CCDC13: variants seen among roughly 807,000 people sequenced by gnomAD.
CCDC13 encodes the protein coiled-coil domain containing 13.
CCDC13 carries 70 observed loss-of-function variants against 87.3 expected under a neutral mutation model. That is an observed-to-expected ratio of 0.80 (90% CI 0.66 to 0.98). The LOEUF (loss-of-function observed/expected upper bound fraction) is 0.98, where lower values mean the gene tolerates loss of function less well. CCDC13 is among the 50% of genes least tolerant of loss of function. CCDC13 has a pLI of 0.00. For synonymous variants in CCDC13, 317 were observed against 360.3 expected, an observed-to-expected ratio of 0.88 and a Z score of 1.36; for missense variants, 842 against 892.0, an observed-to-expected ratio of 0.94 and a Z score of 0.71.
chr3:42,707,491 A>G lies in CCDC13; in HGVS notation c.*1489T>C, dbSNP rs1387685256. 6.6e-6 allele frequency among the ~76,000 whole-genome samples: 1 copy of G among 152,140 alleles called. No individual in the cohort carries two copies. Among genetic ancestry groups the G allele is most frequent in the Non-Finnish European group, 1.5e-5 (1 of 68,002 alleles). On this transcript the variant is annotated 3_prime_UTR_variant, in exon 16 of 16. Coordinates refer to ENST00000310232, the MANE Select transcript of CCDC13 (RefSeq NM_144719.4). Reference sequence around the variant, plus strand: ...CCAGCTAGGGTCCCTCCATAGCCCCATCCCCAAGGAAGGGGCTGAGAAGAC... The same window carrying G: ...CCAGCTAGGGTCCCTCCATAGCCCCGTCCCCAAGGAAGGGGCTGAGAAGAC...
At chr3:42,754,208 T>C (rs1699654864) in intron 3 of CCDC13, among the ~76,000 whole-genome samples, 1 of 152,206 alleles carries the variant, frequency 6.6e-6, no homozygotes, top group Non-Finnish European at 1.5e-5. Context: ...AGGCACTTTA[T>C]GGCTTTCAAA....
intron 5 of CCDC13, among the ~76,000 whole-genome samples, chr3:42,747,742 C>T (rs1431954536): frequency 6.6e-6 from 1 of 152,240 alleles, no homozygotes; most frequent in Non-Finnish European, 1.5e-5. Context: ...TCCACGCCTC[C>T]CAGACACTTC....
chr3:42,729,805 T>G (rs1043499295), intron 13 of CCDC13, among the ~76,000 whole-genome samples: 36 of 152,364 alleles, frequency 2.4e-4, no homozygotes, highest in African/African-American at 8.4e-4. Flanking sequence ...CAAAGAGCCT[T>G]GACTGATACA....
At chr3:42,749,273 G>A (rs747009377) in intron 5 of CCDC13, among the ~76,000 whole-genome samples, 1 of 152,196 alleles carries the variant, frequency 6.6e-6, no homozygotes, top group Non-Finnish European at 1.5e-5. Flanking sequence ...CCCTGACAGT[G>A]GGGGTGCTGA....
rs900533959 is a variant in CCDC13, at chr3:42,745,995, G to A, written c.753C>T (p.Asn251=). 5.0e-6 allele frequency: 8 copies of A among 1,614,150 alleles called. No individual in the cohort carries two copies. The highest frequency in any genetic ancestry group is 1.7e-4 in the Middle Eastern group (1 of 6,058). ...VLAREVGEDI[N]VQQLLSSPGT... ...CTGGCGAAGATAGGAGCTGCTGAAC[G>A]TTGATGTCTTCCCCAACCTCTCTGG... is the stretch of plus-strand genomic sequence containing the variant. The change falls in exon 7 of 16, where the codon AAC becomes AAT. Residue 251 remains asparagine, a synonymous_variant. Coordinates refer to ENST00000310232, the MANE Select transcript of CCDC13 (RefSeq NM_144719.4).
rs1203991263 is a variant in CCDC13 at position 42,735,763 on chromosome 3, C to A, written c.1315G>T (p.Glu439Ter). Reference sequence around the variant, plus strand: ...AGCTGTCGCACTTTGGCCTCCCGCTCAGCTACCATGGCCTGCAGCTGGGCG... The same window carrying A: ...AGCTGTCGCACTTTGGCCTCCCGCTAAGCTACCATGGCCTGCAGCTGGGCG... ...LVAQLQAMVAEREAKVRQLEM... is the reference protein window; with the variant it reads ...LVAQLQAMVA The change falls in exon 10 of 16, where the codon GAG becomes TAG. Residue 439 changes from glutamate to a stop codon, truncating the protein, a stop_gained. Transcript: ENST00000310232. LOFTEE classifies it high-confidence loss of function. 1.2e-6 allele frequency: 2 copies of A among 1,614,260 alleles called. No individual in the cohort carries two copies. The highest frequency in any genetic ancestry group is 1.7e-5 in the Admixed American group (1 of 60,034).
rs943810563 is a variant in CCDC13 at position 42,747,372 on chromosome 3, A to C, written c.605T>G (p.Leu202Arg). The C allele has an allele frequency of 6.2e-7, 1 of 1,610,870 alleles. No individual in the cohort carries two copies. The highest frequency in any genetic ancestry group is 8.5e-7 in the Non-Finnish European group (1 of 1,177,302). ...CAGGGCCTTCACCTCTGGGGTCTCC[A>C]GCTGGTTGGGAAGGACAGGAGAGAA... ...PRAQMGDRAL[L>R]ETPEVKALQD... Residue 202 changes from leucine to arginine, a missense_variant and splice_region_variant, in exon 6 of 16, where the codon CTG becomes CGG. Transcript: ENST00000310232.
chr3:42,738,952 T>C (rs1327484629), intron 9 of CCDC13, among the ~76,000 whole-genome samples: 2 of 152,340 alleles, frequency 1.3e-5, no homozygotes, highest in East Asian at 3.9e-4. Flanking sequence ...CTATGTTGAA[T>C]AGGAGTGGTG....
chr3:42,709,722 A>C lies in CCDC13; in HGVS notation c.1950T>G (p.Asp650Glu). ...KKDPSFAQLSDVPVESQMEEL... is the reference protein window; with the variant it reads ...KKDPSFAQLSEVPVESQMEEL... ...CTTCCATTTGGGATTCCACGGGCACATCGGAGAGCTGGGCAAAGGATGGGT... is the reference window on the plus strand; with the variant it reads ...CTTCCATTTGGGATTCCACGGGCACCTCGGAGAGCTGGGCAAAGGATGGGT... The change falls in exon 15 of 16, where the codon GAT becomes GAG. Residue 650 changes from aspartate (D) to glutamate (E), a missense_variant. By Grantham distance (45) the Asp-to-Glu change is conservative. Coordinates refer to ENST00000310232, the MANE Select transcript of CCDC13 (RefSeq NM_144719.4). 1 of 1,614,152 alleles carries C rather than the reference A, an allele frequency of 6.2e-7. No individual in the cohort carries two copies. The highest frequency in any genetic ancestry group is 8.5e-7 in the Non-Finnish European group (1 of 1,180,010).
intron 12 of CCDC13, chr3:42,732,643 A>G: frequency 3.8e-6 from 2 of 527,212 alleles, no homozygotes. Flanking sequence ...TCCTCAGGTT[A>G]ATTCTCACGT....
chr3:42,742,616 T>C (rs959966242), intron 8 of CCDC13, among the ~76,000 whole-genome samples: 1 of 151,936 alleles, frequency 6.6e-6, no homozygotes, highest in Non-Finnish European at 1.5e-5. Flanking sequence ...CCTCCCCCTC[T>C]CCCTTTTACA....
At chr3:42,730,087 G>C (rs1171695941) in intron 13 of CCDC13, among the ~76,000 whole-genome samples, 1 of 152,108 alleles carries the variant, frequency 6.6e-6, no homozygotes, top group Non-Finnish European at 1.5e-5. Context: ...CCAGATGTCA[G>C]TCTAGCTTGT....
At chr3:42,770,300 G>T (rs1700039446) in intron 1 of CCDC13, among the ~76,000 whole-genome samples, 1 of 152,100 alleles carries the variant, frequency 6.6e-6, no homozygotes, top group African/African-American at 2.4e-5. Flanking sequence ...AATCTGGTGG[G>T]GACTTTGAGA....
At chr3:42,714,905 C>T (rs1468312499) in intron 13 of CCDC13, among the ~76,000 whole-genome samples, 3 of 152,182 alleles carry the variant, frequency 2.0e-5, no homozygotes, top group Non-Finnish European at 2.9e-5. Flanking sequence ...TAAGTGGTAA[C>T]ATATTCATAC....
At chr3:42,732,688 C>T in intron 12 of CCDC13, 199 bp downstream of exon 12, 3 of 571,534 alleles carry the variant, frequency 5.2e-6, no homozygotes, top group Non-Finnish European at 6.2e-6. Context: ...AGTCAGAGGC[C>T]AAGATTCTAG....
At chr3:42,715,897 C>A (rs904897321) in intron 13 of CCDC13, among the ~76,000 whole-genome samples, 14 of 152,170 alleles carry the variant, frequency 9.2e-5, no homozygotes, top group African/African-American at 3.4e-4. Context: ...GACGCTGGCA[C>A]CTTGATATTG....
intron 13 of CCDC13, among the ~76,000 whole-genome samples, chr3:42,714,371 ATTAG>A (rs1293002328): frequency 2.6e-5 from 4 of 152,240 alleles, no homozygotes; most frequent in Non-Finnish European, 4.4e-5. Flanking sequence ...CGTTAGGACA[ATTAG>A]TTAGAGCCAT....
At chr3:42,770,301 G>A (rs1285814977) in intron 1 of CCDC13, among the ~76,000 whole-genome samples, 2 of 152,138 alleles carry the variant, frequency 1.3e-5, no homozygotes, top group Non-Finnish European at 1.5e-5. Flanking sequence ...ATCTGGTGGG[G>A]ACTTTGAGAA....
rs116724095 is a variant in CCDC13 at position 42,732,070 on chromosome 3, C to T, written c.1595+817G>A. Among the ~76,000 whole-genome samples, 461 of 152,326 alleles carry T rather than the reference C, an allele frequency of 3.0e-3. 1 individual carries two copies. Among genetic ancestry groups the T allele is most frequent in the African/African-American group, 0.011 (437 of 41,572 alleles). On this transcript the variant is annotated intron_variant, in intron 12 of 15. Transcript: ENST00000310232. ...AGAGAGGCAGAGCCTCCCCAATCTC[C>T]CTGTGCTGTGACAAGACCTCCCACC...
Sources: allele counts gnomAD v4.1 joint callset (sites outside exome capture counted in the v4.1 genomes callset), GRCh38; gene constraint gnomAD v4.1.1; transcripts MANE v1.5; gene names NCBI Gene and HGNC (gene_info 2026-07-23, HGNC 2026-07-21).